XNDC1N: variants seen among roughly 807,000 people sequenced by gnomAD.
XNDC1N encodes protein XNDC1N.
At chr11:71,891,826 T>C in the XNDC1N span, among the ~76,000 whole-genome samples, 2 of 152,050 alleles carry the variant, frequency 1.3e-5, no homozygotes, top group African/African-American at 2.4e-5. Context: ...CCCCCCACGA[T>C]GACGGGAGTC....
chr11:71,868,840 A>G, the XNDC1N span, among the ~76,000 whole-genome samples: 1 of 152,116 alleles, frequency 6.6e-6, no homozygotes, highest in Non-Finnish European at 1.5e-5. Context: ...GAGGTTGGGG[A>G]AATTTTTATG....
chr11:71,911,727 G>A, the XNDC1N span, among the ~76,000 whole-genome samples: 2 of 152,264 alleles, frequency 1.3e-5, no homozygotes, highest in East Asian at 3.9e-4. Context: ...AATATCAACA[G>A]GAAATCTTGC....
At chr11:71,912,016 G>C in the XNDC1N span, among the ~76,000 whole-genome samples, 2 of 152,232 alleles carry the variant, frequency 1.3e-5, no homozygotes, top group Non-Finnish European at 2.9e-5. Flanking sequence ...CTGTGCCACA[G>C]CTGCTAGGAA....
chr11:71,875,749 G>A, the XNDC1N span, among the ~76,000 whole-genome samples: 147 of 152,248 alleles, frequency 9.7e-4, no homozygotes, highest in African/African-American at 3.3e-3. Flanking sequence ...TGGCAGCGCC[G>A]GGCACGTAGC....
At chr11:71,889,426 G>T in the XNDC1N span, among the ~76,000 whole-genome samples, 19 of 152,252 alleles carry the variant, frequency 1.2e-4, no homozygotes, top group Non-Finnish European at 1.8e-4. Context: ...TGGGCATCAG[G>T]GCTCCCTCAA....
At chr11:71,887,279 C>T in the XNDC1N span, among the ~76,000 whole-genome samples, 1 of 152,204 alleles carries the variant, frequency 6.6e-6, no homozygotes, top group African/African-American at 2.4e-5. Flanking sequence ...TTGCCTTGCA[C>T]TTGTACTGTA....
At chr11:71,907,913 CTTCTT>C in the XNDC1N span, among the ~76,000 whole-genome samples, 1 of 152,124 alleles carries the variant, frequency 6.6e-6, no homozygotes. Flanking sequence ...ATAGCATTCT[CTTCTT>C]CTGTGAATAT....
the XNDC1N span, chr11:71,914,398 A>T: frequency 6.6e-6 from 3 of 455,968 alleles, no homozygotes; most frequent in African/African-American, 6.0e-5. Context: ...AAATAGTATG[A>T]GAACTTGGCC....
the XNDC1N span, among the ~76,000 whole-genome samples, chr11:71,872,418 G>C: frequency 3.3e-5 from 5 of 152,166 alleles, no homozygotes; most frequent in African/African-American, 1.2e-4. Flanking sequence ...AAAATGTGTT[G>C]AGTAATCACC....
At chr11:71,878,725 T>G in the XNDC1N span, among the ~76,000 whole-genome samples, 2 of 151,966 alleles carry the variant, frequency 1.3e-5, no homozygotes, top group South Asian at 4.1e-4. Context: ...CCAGGCACAG[T>G]GGCTCATGTC....
chr11:71,885,675 A>G, the XNDC1N span, among the ~76,000 whole-genome samples: 1 of 152,146 alleles, frequency 6.6e-6, no homozygotes, highest in African/African-American at 2.4e-5. Flanking sequence ...ATTAGGGAGT[A>G]ATATTAGTGT....
At chr11:71,893,195 G>A in the XNDC1N span, among the ~76,000 whole-genome samples, 27 of 152,262 alleles carry the variant, frequency 1.8e-4, no homozygotes, top group East Asian at 4.6e-3. Flanking sequence ...CTGAGATCAC[G>A]GAGTTGTTAT....
the XNDC1N span, among the ~76,000 whole-genome samples, chr11:71,909,576 G>T: frequency 1.3e-5 from 2 of 152,176 alleles, no homozygotes; most frequent in African/African-American, 4.8e-5. Flanking sequence ...AAGAGCCTCT[G>T]GTCAGAATGA....
the XNDC1N span, chr11:71,927,926 G>A: frequency 6.6e-6 from 1 of 152,552 alleles, no homozygotes; most frequent in East Asian, 1.9e-4. Context: ...TTTTCTAGAC[G>A]TTCTGTGGGC....
the XNDC1N span, chr11:71,919,038 A>C: frequency 2.8e-6 from 2 of 702,128 alleles, no homozygotes; most frequent in Admixed American, 2.0e-5. Context: ...TAAGTAAGAG[A>C]GGAGGAGAAA....
chr11:71,890,926 G>C, the XNDC1N span, among the ~76,000 whole-genome samples: 1 of 152,038 alleles, frequency 6.6e-6, no homozygotes, highest in Admixed American at 6.5e-5. Context: ...CTGCGATATT[G>C]AGAGTAGTAT....
At chr11:71,928,273 C>G in the XNDC1N span, 1 of 576,532 alleles carries the variant, frequency 1.7e-6, no homozygotes, top group South Asian at 2.1e-5. Context: ...CACAGCTCAT[C>G]GGGAACAGGC....
the XNDC1N span, among the ~76,000 whole-genome samples, chr11:71,925,773 G>A: frequency 2.0e-4 from 31 of 151,722 alleles, no homozygotes; most frequent in African/African-American, 4.6e-4. Context: ...CCAACTACTC[G>A]GGAGGCTGAG....
At chr11:71,867,924 C>A in the XNDC1N span, among the ~76,000 whole-genome samples, 2 of 152,152 alleles carry the variant, frequency 1.3e-5, no homozygotes, top group Non-Finnish European at 2.9e-5. Context: ...TTATCTAAGT[C>A]TTTTTGTAGG....
Sources: allele counts gnomAD v4.1 joint callset (sites outside exome capture counted in the v4.1 genomes callset), GRCh38; gene constraint gnomAD v4.1.1; transcripts MANE v1.5; gene names NCBI Gene and HGNC (gene_info 2026-07-23, HGNC 2026-07-21).